The following CTPS2 variants were observed in gnomAD, a reference collection of about 807,000 sequenced individuals.
CTPS2 encodes the protein CTP synthase 2, also known as CTP synthase II.
Under a neutral mutation model 46.8 loss-of-function variants are expected in CTPS2, and 19 were observed. That is an observed-to-expected ratio of 0.41 (90% CI 0.28 to 0.60). CTPS2 has a LOEUF of 0.60. Among genes scored for constraint, CTPS2 ranks in the 20% least tolerant of loss-of-function variants. The pLI is 0.35. For synonymous variants in CTPS2, 151 were observed against 165.2 expected (o/e 0.91, Z 0.66); for missense variants, 286 against 447.6 (o/e 0.64, Z 3.26).
intron 13 of CTPS2, among the ~76,000 whole-genome samples, chrX:16,644,313 T>A (rs1932210745): frequency 9.0e-6 from 1 of 110,824 alleles, no homozygotes; most frequent in African/African-American, 3.3e-5. Context: ...TTTTTGGTAT[T>A]TTTTTGTAGA....
chrX:16,614,906 G>A (rs1930451496), intron 16 of CTPS2, among the ~76,000 whole-genome samples: 2 of 112,538 alleles, frequency 1.8e-5, no homozygotes, highest in East Asian at 2.8e-4. Context: ...GCTGCGCGTC[G>A]TGGCTCATGC....
intron 10 of CTPS2, among the ~76,000 whole-genome samples, chrX:16,674,706 C>T (rs926157387): frequency 8.4e-5 from 9 of 106,644 alleles, no homozygotes; most frequent in South Asian, 4.3e-4. Context: ...GGCGTGGTGG[C>T]AGGCGCCTGT....
Position 16,596,853 on chromosome X carries a change from C to T in CTPS2, c.1692-5991G>A, listed in dbSNP as rs1450811393. 2.8e-5 allele frequency among the ~76,000 whole-genome samples: 3 copies of T among 106,141 alleles called. 1 individual carries two copies. In the Admixed American group the frequency reaches 3.0e-4, roughly 11 times the overall value. 92.2% of individuals were successfully genotyped at this position (106,141 alleles called of 115,157 possible). On this transcript the variant is annotated intron_variant, in intron 17 of 18. Coordinates refer to ENST00000359276, the MANE Select transcript of CTPS2 (RefSeq NM_175859.3). Reference sequence around the variant, plus strand: ...TATTTCTCCACATCCTCTCCAGCACCTGTTGTTTCCTGACTTTTTAATGAT... The same window carrying T: ...TATTTCTCCACATCCTCTCCAGCACTTGTTGTTTCCTGACTTTTTAATGAT...
At chrX:16,656,575 A>T (rs1038945957) in intron 13 of CTPS2, among the ~76,000 whole-genome samples, 1 of 110,743 alleles carries the variant, frequency 9.0e-6, no homozygotes, top group African/African-American at 3.3e-5. Context: ...ACGCCCGGCT[A>T]ATTTTTCTTT....
intron 8 of CTPS2, among the ~76,000 whole-genome samples, chrX:16,688,618 T>C (rs915293287): frequency 1.8e-5 from 2 of 110,436 alleles, no homozygotes; most frequent in Non-Finnish European, 3.8e-5. Flanking sequence ...TAAATTAATA[T>C]ACTTGTCTGA....
chrX:16,686,548 A>T (rs888182765), intron 8 of CTPS2, among the ~76,000 whole-genome samples: 1 of 112,091 alleles, frequency 8.9e-6, no homozygotes, highest in African/African-American at 3.2e-5. Flanking sequence ...AATGACAAGC[A>T]TCCTTACAAA....
At chrX:16,643,324 T>G (rs1932167515) in intron 13 of CTPS2, among the ~76,000 whole-genome samples, 1 of 111,778 alleles carries the variant, frequency 8.9e-6, no homozygotes, top group African/African-American at 3.3e-5. Context: ...CCAGCAGCTA[T>G]TTCTATTTCC....
At chrX:16,666,680 C>T (rs1442858730) in intron 13 of CTPS2, among the ~76,000 whole-genome samples, 2 of 111,387 alleles carry the variant, frequency 1.8e-5, no homozygotes, top group Non-Finnish European at 3.8e-5. Context: ...AAACTCAAAG[C>T]CTGGGAGGAA....
At chrX:16,669,003 C>T (rs1424110369) in intron 11 of CTPS2, among the ~76,000 whole-genome samples, 2 of 111,381 alleles carry the variant, frequency 1.8e-5, no homozygotes, top group Non-Finnish European at 3.8e-5. Context: ...CAGCCATAAA[C>T]ACAGGCTTGG....
chrX:16,632,324 A>G, intron 14 of CTPS2, among the ~76,000 whole-genome samples: 1 of 112,247 alleles, frequency 8.9e-6, no homozygotes, highest in African/African-American at 3.2e-5. Context: ...TTTTTAAAAA[A>G]TCGAGGTATA....
At chrX:16,681,473 A>G (rs773989217) in intron 9 of CTPS2, among the ~76,000 whole-genome samples, 78 of 112,129 alleles carry the variant, frequency 7.0e-4, no homozygotes, top group African/African-American at 2.5e-3. Flanking sequence ...AAATATACGT[A>G]TCCAACTGGT....
intron 17 of CTPS2, among the ~76,000 whole-genome samples, chrX:16,594,128 G>A (rs749930008): frequency 8.8e-4 from 98 of 111,500 alleles, no homozygotes; most frequent in Non-Finnish European, 1.6e-3. Context: ...ACTAGCTCGG[G>A]GCACAGGGTA....
chrX:16,603,274 G>A (rs925481705), intron 17 of CTPS2, among the ~76,000 whole-genome samples: 3 of 109,816 alleles, frequency 2.7e-5, no homozygotes, highest in Non-Finnish European at 3.8e-5. Context: ...AAAATTAGCC[G>A]GGCATGGTGG....
chrX:16,704,952 A>G (rs772663153), intron 1 of CTPS2, among the ~76,000 whole-genome samples: 6 of 110,924 alleles, frequency 5.4e-5, no homozygotes, highest in Non-Finnish European at 9.4e-5. Flanking sequence ...CCGTCTCAAA[A>G]AAACAAAACA....
At chrX:16,702,093 C>T (rs1165618383) in intron 2 of CTPS2, among the ~76,000 whole-genome samples, 1 of 111,007 alleles carries the variant, frequency 9.0e-6, no homozygotes, top group Non-Finnish European at 1.9e-5. Flanking sequence ...CTCGCTCTGT[C>T]GCCCAGGCTG....
At chrX:16,651,230 G>A (rs2147263713) in intron 13 of CTPS2, 2 of 905,510 alleles carry the variant, frequency 2.2e-6, no homozygotes, top group African/African-American at 2.0e-5. Context: ...AGCCTTATAG[G>A]GACCGTCGCT....
At chrX:16,592,115 G>C (rs1928935717) in intron 17 of CTPS2, among the ~76,000 whole-genome samples, 1 of 108,497 alleles carries the variant, frequency 9.2e-6, no homozygotes, top group Admixed American at 9.9e-5. Context: ...GTGTGTGTGT[G>C]TGTGAGTGTG....
intron 9 of CTPS2, among the ~76,000 whole-genome samples, chrX:16,682,100 G>A (rs1218740610): frequency 2.7e-5 from 3 of 111,872 alleles, no homozygotes; most frequent in African/African-American, 6.5e-5. Context: ...AGGCAATTAC[G>A]ACGTACTTAA....
At chrX:16,625,679 G>T (rs565297028) in intron 14 of CTPS2, among the ~76,000 whole-genome samples, 9 of 110,663 alleles carry the variant, frequency 8.1e-5, no homozygotes, top group African/African-American at 2.7e-4. Context: ...GTGAATGCGG[G>T]GATTTTATTG....
Sources: allele counts gnomAD v4.1 joint callset (sites outside exome capture counted in the v4.1 genomes callset), GRCh38; gene constraint gnomAD v4.1.1; transcripts MANE v1.5; gene names NCBI Gene and HGNC (gene_info 2026-07-23, HGNC 2026-07-21).